Variants in KAZN observed in about 807,000 individuals in gnomAD.
KAZN encodes the protein kazrin, periplakin interacting protein.
In KAZN, 40 loss-of-function variants were observed where a neutral mutation model predicts 87.4. That is an observed-to-expected ratio of 0.46 (90% CI 0.36 to 0.60). The LOEUF is 0.60. Ranked by LOEUF, KAZN falls within the 20% of genes least tolerant of loss-of-function variation. KAZN has a pLI of 0.00. For missense variants in KAZN, 898 were observed against 1,073.9 expected (o/e 0.84, Z 2.29); for synonymous variants, 466 against 458.3 (o/e 1.02, Z -0.22).
At chr1:13,930,434 CAT>C (rs1640465021) in intron 1 of KAZN, among the ~76,000 whole-genome samples, 1 of 152,186 alleles carries the variant, frequency 6.6e-6, no homozygotes, top group Non-Finnish European at 1.5e-5. Context: ...GCTATTGTCA[CAT>C]GTCATTATTA....
chr1:14,531,743 G>C (rs955278244), intron 2 of KAZN, among the ~76,000 whole-genome samples: 10 of 152,134 alleles, frequency 6.6e-5, no homozygotes, highest in Non-Finnish European at 1.5e-4. Context: ...AGACATGTTC[G>C]ACTGAACAGC....
At chr1:14,383,681 GT>G in intron 2 of KAZN, among the ~76,000 whole-genome samples, 1 of 152,238 alleles carries the variant, frequency 6.6e-6, no homozygotes, top group African/African-American at 2.4e-5. Context: ...CTCTCTCTCT[GT>G]TTTGGTACCA....
intron 2 of KAZN, among the ~76,000 whole-genome samples, chr1:14,564,380 C>T (rs1313051569): frequency 6.6e-6 from 1 of 152,134 alleles, no homozygotes; most frequent in African/African-American, 2.4e-5. Flanking sequence ...ATCTCAGCCT[C>T]ACCACTCAAT....
intron 1 of KAZN, among the ~76,000 whole-genome samples, chr1:14,736,254 G>GGGGGGTGTGTGTGT (rs780407996): frequency 8.7e-6 from 1 of 115,300 alleles, no homozygotes; most frequent in East Asian, 2.9e-4. Context: ...GGGACTCAAG[G>GGGGGGTGTGTGTGT]GTGTGTGTGT....
At chr1:14,045,949 A>C (rs138694311) in intron 1 of KAZN, among the ~76,000 whole-genome samples, 135 of 152,340 alleles carry the variant, frequency 8.9e-4, no homozygotes, top group African/African-American at 3.2e-3. Context: ...AACTGTGAGA[A>C]AAGCCAGGAA....
At chr1:14,146,306 A>C (rs927399279) in intron 1 of KAZN, among the ~76,000 whole-genome samples, 1 of 151,958 alleles carries the variant, frequency 6.6e-6, no homozygotes, top group African/African-American at 2.4e-5. Context: ...AGGCCGAGGC[A>C]GGTGGATCGC....
chr1:14,092,699 C>T (rs1644033120), intron 1 of KAZN, among the ~76,000 whole-genome samples: 1 of 151,610 alleles, frequency 6.6e-6, no homozygotes, highest in African/African-American at 2.4e-5. Context: ...GACACTATAA[C>T]CATCTATTTG....
intron 1 of KAZN, among the ~76,000 whole-genome samples, chr1:14,629,798 T>G (rs61393101): frequency 0.12 from 18,189 of 151,866 alleles, 3,682 homozygotes; most frequent in African/African-American, 0.42. Context: ...TAGGGCCGGG[T>G]TGTTCTGCTG....
chr1:14,950,529 G>C (rs973981453), intron 1 of KAZN, among the ~76,000 whole-genome samples: 1 of 152,158 alleles, frequency 6.6e-6, no homozygotes, highest in Non-Finnish European at 1.5e-5. Context: ...TGGGCTTGAG[G>C]CTGGCATTTT....
In KAZN at chr1:15,081,017, A is replaced by G. The variant is rs1639981408; in HGVS notation, c.1223-13163A>G. Among the ~76,000 whole-genome samples, 1 of 152,264 alleles carries G rather than the reference A, an allele frequency of 6.6e-6. No homozygotes were observed. The highest frequency in any genetic ancestry group is 2.4e-5 in the African/African-American group (1 of 41,470). On this transcript the variant is annotated intron_variant, in intron 8 of 14. Transcript: ENST00000376030. This position sits in a 1 kb window ranked among gnomAD's most constrained non-coding sequence, Gnocchi z 4.1. ...GAGGCCTTGCCGTAGGCAGAGGGAC[A>G]AGAGAATGGTAGCATCTACTGCATA...
chr1:14,039,789 C>T (rs1641720189), intron 1 of KAZN, among the ~76,000 whole-genome samples: 1 of 152,220 alleles, frequency 6.6e-6, no homozygotes, highest in African/African-American at 2.4e-5. Context: ...GCGACCTCTC[C>T]AGCCCTCTTC....
Position 14,429,061 on chromosome 1 carries a change from C to G in KAZN, c.250-169922C>G, listed in dbSNP as rs139310741. Among the ~76,000 whole-genome samples the G allele has an allele frequency of 8.9e-3, 1,355 of 152,120 alleles. 17 individuals are homozygous for G. Among genetic ancestry groups the G allele is most frequent in the African/African-American group, 0.031 (1,301 of 41,486 alleles). ...TCTAAATATCTAGGTCCTTATTGAT[C>G]TTTGGAATTCATAAGGGAGTTTTTC... On this transcript the variant is annotated intron_variant, in intron 2 of 16. Coordinates refer to the KAZN transcript ENST00000636203.
chr1:14,419,973 C>T (rs1665272801), intron 2 of KAZN, among the ~76,000 whole-genome samples: 1 of 152,136 alleles, frequency 6.6e-6, no homozygotes, highest in African/African-American at 2.4e-5. Context: ...AGGGGATTGC[C>T]ACTCCCGGCT....
intron 2 of KAZN, among the ~76,000 whole-genome samples, chr1:14,477,447 CCTCT>C (rs944833569): frequency 8.1e-5 from 12 of 148,046 alleles, no homozygotes; most frequent in South Asian, 2.1e-4. Flanking sequence ...TCTCTCTCCC[CCTCT>C]CTCTCTCTCT....
At chr1:14,492,847 C>T (rs1669747942) in intron 2 of KAZN, among the ~76,000 whole-genome samples, 1 of 137,408 alleles carries the variant, frequency 7.3e-6, no homozygotes. Flanking sequence ...CGTACACACA[C>T]CATACCCATG....
At chr1:14,610,700 T>C (rs1677746958) in intron 1 of KAZN, among the ~76,000 whole-genome samples, 1 of 151,808 alleles carries the variant, frequency 6.6e-6, no homozygotes. Context: ...TTTTTTGTAC[T>C]CTATACCATC....
At chr1:14,343,729 A>T (rs933209393) in intron 2 of KAZN, among the ~76,000 whole-genome samples, 3 of 152,202 alleles carry the variant, frequency 2.0e-5, no homozygotes, top group African/African-American at 7.2e-5. Flanking sequence ...TCGAATTTTT[A>T]AAATCTCCCT....
intron 1 of KAZN, among the ~76,000 whole-genome samples, chr1:13,979,885 C>T (rs1296287719): frequency 1.4e-5 from 2 of 140,412 alleles, no homozygotes; most frequent in Admixed American, 7.8e-5. Flanking sequence ...GAGCCATGAT[C>T]GTGCCACTGC....
chr1:14,960,631 G>A (rs1051119608), intron 1 of KAZN, 53 bp from the exon 2 acceptor site: 34 of 1,522,998 alleles, frequency 2.2e-5, no homozygotes, highest in East Asian at 1.7e-4. Flanking sequence ...CAGAAAATGC[G>A]AGTGAGCGGC....
Sources: allele counts gnomAD v4.1 joint callset (sites outside exome capture counted in the v4.1 genomes callset), GRCh38; gene constraint gnomAD v4.1.1; non-coding constraint Gnocchi (gnomAD v3.1); transcripts MANE v1.5; gene names NCBI Gene and HGNC (gene_info 2026-07-23, HGNC 2026-07-21).